The following PCMTD1 variants were observed in gnomAD, a reference collection of about 807,000 sequenced individuals.
PCMTD1 encodes the protein protein-L-isoaspartate O-methyltransferase domain-containing protein 1.
A neutral mutation model predicts 37.6 loss-of-function variants in PCMTD1; 12 were observed. The observed-to-expected ratio is 0.32, with a 90% CI of 0.20 to 0.52. The LOEUF (loss-of-function observed/expected upper bound fraction) is 0.52. Ranked by LOEUF, PCMTD1 falls within the 20% of genes least tolerant of loss-of-function variation. The probability of loss-of-function intolerance (pLI) is 0.97; values close to 1 mark genes in which losing one functional copy is unlikely to be tolerated. For synonymous variants in PCMTD1, 117 were observed against 135.8 expected, an observed-to-expected ratio of 0.86 and a Z score of 0.96; for missense variants, 235 against 421.3, an observed-to-expected ratio of 0.56 and a Z score of 3.87.
Position 51,817,787 on chromosome 8 carries a change from A to G in PCMTD1, c.*2564T>C, listed in dbSNP as rs539625126. ...ATTGACCAATAAGCAGTATAGATTT[A>G]AATTATCTTCTTGGGTTGGTCTGAG... On this transcript the variant is annotated 3_prime_UTR_variant, in exon 6 of 6. Coordinates refer to ENST00000522514, the MANE Select transcript of PCMTD1 (RefSeq NM_052937.4). 14 of 455,654 alleles carry G rather than the reference A, an allele frequency of 3.1e-5. No homozygotes were observed. The highest frequency in any genetic ancestry group is 6.2e-5 in the Non-Finnish European group (14 of 226,738). The allele number at this position is 455,654 out of a possible 1,614,324, so 28.2% of individuals were successfully genotyped here. A position where few individuals can be genotyped will look rare whatever the true frequency, so the allele number is the denominator to read the frequency against.
chr8:51,854,100 G>C (rs759093097), intron 2 of PCMTD1, among the ~76,000 whole-genome samples: 6 of 152,102 alleles, frequency 3.9e-5, no homozygotes, highest in Non-Finnish European at 7.4e-5. Context: ...AATGCTCAGA[G>C]AACCACCTAA....
At chr8:51,870,995 T>G (rs1468129789) in intron 1 of PCMTD1, among the ~76,000 whole-genome samples, 5 of 152,182 alleles carry the variant, frequency 3.3e-5, no homozygotes, top group Non-Finnish European at 7.4e-5. Context: ...ATCATAAATT[T>G]GTGATGATTA....
At chr8:51,860,815 T>TA (rs2038461227) in intron 2 of PCMTD1, 30 bp downstream of exon 2, 2 of 1,515,946 alleles carry the variant, frequency 1.3e-6, no homozygotes, top group South Asian at 2.5e-5. Context: ...GCTTATTTTT[T>TA]AAAATAGAAT....
At chr8:51,877,319 C>T (rs918227689) in intron 1 of PCMTD1, among the ~76,000 whole-genome samples, 4 of 152,044 alleles carry the variant, frequency 2.6e-5, no homozygotes, top group Non-Finnish European at 5.9e-5. Context: ...GATAGTAACT[C>T]AGAACTTTTT....
At chr8:51,872,222 TCAACA>T (rs35152175) in intron 1 of PCMTD1, among the ~76,000 whole-genome samples, 29,909 of 151,896 alleles carry the variant, frequency 0.2, 4,570 homozygotes, top group African/African-American at 0.42. Flanking sequence ...TCCCTTTTAC[TCAACA>T]CAAGACTTTT....
At chr8:51,877,485 T>C (rs958801277) in intron 1 of PCMTD1, among the ~76,000 whole-genome samples, 2 of 152,232 alleles carry the variant, frequency 1.3e-5, no homozygotes, top group Non-Finnish European at 2.9e-5. Flanking sequence ...TTAGGCTAAA[T>C]TGTGGGAGCT....
intron 3 of PCMTD1, among the ~76,000 whole-genome samples, chr8:51,836,219 C>T (rs891584045): frequency 3.9e-5 from 6 of 152,164 alleles, no homozygotes; most frequent in African/African-American, 1.4e-4. Flanking sequence ...TAGAGCTGCA[C>T]TATCAAGATG....
intron 3 of PCMTD1, among the ~76,000 whole-genome samples, chr8:51,834,184 T>C (rs2038035405): frequency 6.6e-6 from 1 of 152,128 alleles, no homozygotes; most frequent in Non-Finnish European, 1.5e-5. Context: ...AAGATACGAG[T>C]GTCCTGACCA....
chr8:51,828,076 G>A (rs2037947264), intron 5 of PCMTD1, among the ~76,000 whole-genome samples: 1 of 152,088 alleles, frequency 6.6e-6, no homozygotes, highest in Non-Finnish European at 1.5e-5. Context: ...ATAAAAAAAT[G>A]GAATGACTAC....
At chr8:51,866,353 C>T (rs2038555220) in intron 1 of PCMTD1, among the ~76,000 whole-genome samples, 1 of 151,814 alleles carries the variant, frequency 6.6e-6, no homozygotes. Context: ...AAACTAGAGG[C>T]CTCACATTAT....
intron 1 of PCMTD1, among the ~76,000 whole-genome samples, chr8:51,873,482 C>G (rs1307219393): frequency 2.6e-5 from 4 of 152,100 alleles, no homozygotes; most frequent in African/African-American, 9.7e-5. Context: ...TGAAAATATA[C>G]TGTCATCATC....
intron 1 of PCMTD1, among the ~76,000 whole-genome samples, chr8:51,871,213 T>C (rs1203163093): frequency 1.3e-5 from 2 of 152,098 alleles, no homozygotes; most frequent in South Asian, 2.1e-4. Context: ...AGAGTGGAAA[T>C]GGAAATCCTG....
At chr8:51,848,809 G>A (rs2129282287) in intron 2 of PCMTD1, 1 of 152,188 alleles carries the variant, frequency 6.6e-6, no homozygotes, top group East Asian at 1.9e-4. Flanking sequence ...CACCATTTAT[G>A]ATTTTTTATA....
intron 3 of PCMTD1, chr8:51,839,471 T>C: frequency 1.0e-6 from 1 of 985,444 alleles, no homozygotes; most frequent in Non-Finnish European, 1.2e-6. Context: ...TCTTTATAGG[T>C]GCATGTTGGA....
chr8:51,887,193 CAT>C (rs1170806859), intron 1 of PCMTD1, among the ~76,000 whole-genome samples: 2 of 152,116 alleles, frequency 1.3e-5, no homozygotes, highest in Non-Finnish European at 1.5e-5. Flanking sequence ...TCCCCTTTGC[CAT>C]ATAAGGTCAC....
intron 1 of PCMTD1, among the ~76,000 whole-genome samples, chr8:51,884,043 CTT>C (rs1423050981): frequency 1.2e-4 from 18 of 152,088 alleles, no homozygotes; most frequent in Non-Finnish European, 2.5e-4. Context: ...GGCTCCGTGT[CTT>C]GAGTTTCTTT....
At chr8:51,888,799 A>G (rs2038898946) in intron 1 of PCMTD1, among the ~76,000 whole-genome samples, 1 of 152,222 alleles carries the variant, frequency 6.6e-6, no homozygotes, top group African/African-American at 2.4e-5. Context: ...TATTAGTTCT[A>G]CAGTCTTAGC....
intron 2 of PCMTD1, among the ~76,000 whole-genome samples, chr8:51,852,270 G>C (rs188890482): frequency 6.6e-6 from 1 of 152,238 alleles, no homozygotes; most frequent in Non-Finnish European, 1.5e-5. Context: ...CACAAATGTA[G>C]CTACAGTCTC....
chr8:51,843,698 G>A (rs2038179378), intron 3 of PCMTD1, among the ~76,000 whole-genome samples: 1 of 151,826 alleles, frequency 6.6e-6, no homozygotes, highest in Non-Finnish European at 1.5e-5. Context: ...CATCAACATA[G>A]AAACACTTCA....
Sources: gnomAD v4.1 joint callset for allele counts (sites outside exome capture counted in the v4.1 genomes callset) on GRCh38, gnomAD v4.1.1 for gene constraint, MANE v1.5 for transcripts, NCBI Gene and HGNC (gene_info 2026-07-23, HGNC 2026-07-21) for gene names.